INTS12: variants seen among roughly 807,000 people sequenced by gnomAD.
INTS12 encodes PHD finger protein 22.
In INTS12, 13 loss-of-function variants were observed where a neutral mutation model predicts 41.6. The ratio of observed to expected loss-of-function variants is 0.31; its 90% CI spans 0.20 to 0.50. The LOEUF (loss-of-function observed/expected upper bound fraction) is 0.50. Ranked by LOEUF, INTS12 falls within the 20% of genes least tolerant of loss-of-function variation. The probability of loss-of-function intolerance (pLI) is 0.98; values close to 1 mark genes in which losing one functional copy is unlikely to be tolerated. For missense variants in INTS12, 432 were observed against 541.6 expected (o/e 0.80, Z 2.01); for synonymous variants, 199 against 191.4 (o/e 1.04, Z -0.33).
chr4:105,690,328 A>T (rs1187998030), intron 6 of INTS12, among the ~76,000 whole-genome samples: 1 of 152,242 alleles, frequency 6.6e-6, no homozygotes, highest in Non-Finnish European at 1.5e-5. Flanking sequence ...AATATTTTAG[A>T]AGAATTCTAA....
intron 3 of INTS12, 107 bp downstream of exon 3, chr4:105,699,743 A>C: frequency 2.5e-6 from 2 of 808,976 alleles, no homozygotes; most frequent in African/African-American, 3.5e-5. Flanking sequence ...TCATGCTACA[A>C]GGAAAGATTA....
intron 2 of INTS12, among the ~76,000 whole-genome samples, chr4:105,700,735 A>ACACACT (rs1417015257): frequency 6.6e-6 from 1 of 151,746 alleles, no homozygotes; most frequent in Non-Finnish European, 1.5e-5. Flanking sequence ...ACACACACAC[A>ACACACT]CACACACACA....
intron 7 of INTS12, among the ~76,000 whole-genome samples, chr4:105,685,794 G>A (rs1332583188): frequency 6.6e-6 from 1 of 152,004 alleles, no homozygotes. Context: ...AAAAGGCCAA[G>A]ATATTAAGAA....
At chr4:105,693,889 G>A (rs1403176795) in intron 4 of INTS12, among the ~76,000 whole-genome samples, 2 of 152,166 alleles carry the variant, frequency 1.3e-5, no homozygotes, top group East Asian at 3.9e-4. Context: ...ATTAGATTTG[G>A]CAAAAATCAA....
chr4:105,706,940 T>C (rs988311576), intron 1 of INTS12, among the ~76,000 whole-genome samples: 1 of 152,040 alleles, frequency 6.6e-6, no homozygotes. Context: ...GAAACCCAGT[T>C]TTCTTCTTTT....
chr4:105,705,778 A>G (rs1732242070), intron 1 of INTS12: 1 of 152,226 alleles, frequency 6.6e-6, no homozygotes, highest in Non-Finnish European at 1.5e-5. Context: ...TCCCTCAACA[A>G]AACTAGAAGT....
chr4:105,704,813 C>T (rs1010791921), intron 1 of INTS12, among the ~76,000 whole-genome samples: 1 of 152,096 alleles, frequency 6.6e-6, no homozygotes, highest in African/African-American at 2.4e-5. Flanking sequence ...TTCCTTAATT[C>T]CCACCCCCAA....
At chr4:105,684,258 G>T (rs186232328) in intron 7 of INTS12, among the ~76,000 whole-genome samples, 9 of 152,062 alleles carry the variant, frequency 5.9e-5, no homozygotes, top group Non-Finnish European at 1.2e-4. Context: ...AGGCACAAAT[G>T]TACGTATTCA....
At chr4:105,697,758 A>G (rs547802477) in intron 3 of INTS12, among the ~76,000 whole-genome samples, 1 of 152,212 alleles carries the variant, frequency 6.6e-6, no homozygotes, top group African/African-American at 2.4e-5. Flanking sequence ...TAAACTTAAA[A>G]ATGTGTGGTG....
At chr4:105,695,974 C>A (rs1731849562) in intron 3 of INTS12, among the ~76,000 whole-genome samples, 1 of 152,130 alleles carries the variant, frequency 6.6e-6, no homozygotes, top group South Asian at 2.1e-4. Flanking sequence ...CTGCCTCAGC[C>A]TCCCGTGTAT....
chr4:105,703,255 T>A (rs185105779), intron 2 of INTS12, among the ~76,000 whole-genome samples: 4 of 152,350 alleles, frequency 2.6e-5, no homozygotes, highest in Admixed American at 2.6e-4. Flanking sequence ...ATTTAAAAAG[T>A]AGATGTTGCT....
At chr4:105,706,860 C>T (rs368875197) in intron 1 of INTS12, among the ~76,000 whole-genome samples, 1 of 152,126 alleles carries the variant, frequency 6.6e-6, no homozygotes, top group Non-Finnish European at 1.5e-5. Context: ...GTTTTATTAG[C>T]TTACTTGAAC....
chr4:105,699,419 C>G (rs948144232), intron 3 of INTS12, among the ~76,000 whole-genome samples: 1 of 152,144 alleles, frequency 6.6e-6, no homozygotes, highest in African/African-American at 2.4e-5. Flanking sequence ...AGAGTTCATC[C>G]ATACCTCCTT....
In INTS12 at chr4:105,682,814, A is replaced by T. The variant is rs748144462; in HGVS notation, c.1308T>A (p.Thr436=). The change falls in exon 8 of 8, where the codon ACT becomes ACA. Residue 436 remains threonine (T), a synonymous_variant. Transcript: ENST00000340139. The stretch of plus-strand genomic sequence containing the variant: ...TAGCATTGAGCTGTGATTCTTGTGA[A>T]GTTGGGCCTTTAAGGGATGCTGAGG... The part of the protein sequence containing the change: ...SSPSASLKGP[T]SQESQLNAMK... 6 of 1,614,100 alleles carry T rather than the reference A, an allele frequency of 3.7e-6. No individual in the cohort carries two copies. The highest frequency in any genetic ancestry group is 5.1e-6 in the Non-Finnish European group (6 of 1,179,964).
At chr4:105,693,219 G>T in intron 5 of INTS12, 80 bp downstream of exon 5, 1 of 1,182,972 alleles carries the variant, frequency 8.5e-7, no homozygotes, top group Non-Finnish European at 1.1e-6. Flanking sequence ...CAATTTTTCT[G>T]ATTTTGGGGG....
intron 2 of INTS12, among the ~76,000 whole-genome samples, chr4:105,701,642 T>C (rs1732077533): frequency 6.6e-6 from 1 of 152,204 alleles, no homozygotes; most frequent in East Asian, 1.9e-4. Flanking sequence ...ATCTCTTTTT[T>C]TTCTTTAAAT....
At chr4:105,694,430 A>G (rs2149183784) in intron 4 of INTS12, among the ~76,000 whole-genome samples, 1 of 152,192 alleles carries the variant, frequency 6.6e-6, no homozygotes, top group East Asian at 1.9e-4. Flanking sequence ...GGTTAGAGTG[A>G]TTCTCACGTC....
chr4:105,693,594 C>T, intron 4 of INTS12, 108 bp from the exon 5 acceptor site: 1 of 802,394 alleles, frequency 1.2e-6, no homozygotes. Flanking sequence ...GTCCATTTTA[C>T]AGATATATTC....
intron 1 of INTS12, among the ~76,000 whole-genome samples, chr4:105,704,650 T>C (rs540058605): frequency 1.3e-5 from 2 of 152,340 alleles, no homozygotes; most frequent in African/African-American, 4.8e-5. Flanking sequence ...GGATATATCA[T>C]TGGTGCCTCC....
Sources: gnomAD v4.1 joint callset for allele counts (sites outside exome capture counted in the v4.1 genomes callset) on GRCh38, gnomAD v4.1.1 for gene constraint, MANE v1.5 for transcripts, NCBI Gene and HGNC (gene_info 2026-07-23, HGNC 2026-07-21) for gene names.